Variants in BHLHA15 observed in about 807,000 individuals in gnomAD.
BHLHA15 encodes the protein class A basic helix-loop-helix protein 15.
In BHLHA15, 7 loss-of-function variants were observed where a neutral mutation model predicts 10.4. That is an observed-to-expected ratio of 0.67 (90% CI 0.38 to 1.26). BHLHA15 has a LOEUF of 1.26. Among genes scored for constraint, BHLHA15 ranks in the 50% most tolerant of loss-of-function variants. The pLI is 0.02. For synonymous variants in BHLHA15, 140 were observed against 131.5 expected (o/e 1.06, Z -0.44); for missense variants, 289 against 287.4 (o/e 1.01, Z -0.04).
rs751163207 is a variant in BHLHA15, at chr7:98,212,503, GGC to G, written c.195_196del (p.Pro66ArgfsTer5). ...AGGCGCAGGCGGCCAGGACCCTCCG[GGC>G]CCGGTGGCCGTCGTGACAGCAGCAT... On this transcript the variant is annotated frameshift_variant, in exon 2 of 2. Coordinates refer to ENST00000609256, the MANE Select transcript of BHLHA15 (RefSeq NM_177455.4). LOFTEE classifies it high-confidence loss of function. 8.9e-6 allele frequency: 14 copies of G among 1,570,972 alleles called. No individual in the cohort carries two copies. The South Asian group carries it at 1.6e-4, about 18-fold the overall frequency.
Position 98,212,922 on chromosome 7 carries a change from G to A in BHLHA15, c.*43G>A. Reference sequence around the variant, plus strand: ...GGGTGGCGGTGGCCGCAGCTGCCTGGCCTGCTCCTCCCAGCCCCAGTCCCT... The same window carrying A: ...GGGTGGCGGTGGCCGCAGCTGCCTGACCTGCTCCTCCCAGCCCCAGTCCCT... On this transcript the variant is annotated 3_prime_UTR_variant, in exon 2 of 2. Transcript: ENST00000609256. 1.3e-6 allele frequency: 2 copies of A among 1,492,198 alleles called. No individual in the cohort carries two copies. Among genetic ancestry groups the A allele is most frequent in the South Asian group, 2.6e-5 (2 of 76,460 alleles). 92.4% of individuals were successfully genotyped at this position (1,492,198 alleles called of 1,614,324 possible).
chr7:98,212,510 T>C lies in BHLHA15; in HGVS notation c.201T>C (p.Gly67=). ...RRRRPGPSGP[G]GRRDSSIQRR... ...GGCGGCCAGGACCCTCCGGGCCCGG[T>C]GGCCGTCGTGACAGCAGCATCCAGC... Residue 67 remains glycine, a synonymous_variant, in exon 2 of 2, where the codon GGT becomes GGC. Transcript: ENST00000609256. 6.3e-7 allele frequency: 1 copy of C among 1,574,926 alleles called. No homozygotes were observed. Among genetic ancestry groups the C allele is most frequent in the Non-Finnish European group, 8.6e-7 (1 of 1,163,430 alleles).
rs960262688 is a variant in BHLHA15 at position 98,212,441 on chromosome 7, G to T, written c.132G>T (p.Arg44=). The T allele has an allele frequency of 6.6e-7, 1 of 1,520,678 alleles. No individual in the cohort carries two copies. Among genetic ancestry groups the T allele is most frequent in the African/African-American group, 1.4e-5 (1 of 70,508 alleles). 94.2% of individuals were successfully genotyped at this position (1,520,678 alleles called of 1,614,324 possible). The stretch of plus-strand genomic sequence containing the variant: ...AGCCGGCCAAGGGTCTGCGGAGCCG[G>T]CCGGCCCGGGCCGCAGCAAGGGCTC... ...GPEPAKGLRS[R]PARAAARAPG... Residue 44 remains arginine, a synonymous_variant, in exon 2 of 2, where the codon CGG becomes CGT. Transcript: ENST00000609256.
At position 98,212,623 on chromosome 7, in the gene BHLHA15, TGC is replaced by T. The variant is rs1248267668; in HGVS notation, c.320_321del (p.Ala107GlyfsTer167). ...GCCCTGCGTGAAGTCATCCCCCACGTGCGCGCGGACAAGAAGCTCTCCAAGAT... is the reference window on the plus strand; with the variant it reads ...GCCCTGCGTGAAGTCATCCCCCACGTGCGCGGACAAGAAGCTCTCCAAGAT... On this transcript the variant is annotated frameshift_variant, in exon 2 of 2. Coordinates refer to ENST00000609256, the MANE Select transcript of BHLHA15 (RefSeq NM_177455.4). LOFTEE classifies it high-confidence loss of function. 6 of 1,606,504 alleles carry T rather than the reference TGC, an allele frequency of 3.7e-6. No individual in the cohort carries two copies. The highest frequency in any genetic ancestry group is 5.1e-6 in the Non-Finnish European group (6 of 1,177,616).
rs1797928331 is a variant in BHLHA15 at position 98,212,794 on chromosome 7, G to A, written c.485G>A (p.Gly162Asp). The A allele has an allele frequency of 1.3e-6, 2 of 1,548,904 alleles. No homozygotes were observed. Among genetic ancestry groups the A allele is most frequent in the African/African-American group, 1.4e-5 (1 of 72,922 alleles). Reference protein sequence around the residue: ...HYQQQQQVAGGALGATEAQPQ... With the variant: ...HYQQQQQVAGDALGATEAQPQ... ...CAGCAGCAGCAGCAGGTGGCTGGGGGTGCGTTGGGGGCCACGGAGGCCCAG... is the reference window on the plus strand; with the variant it reads ...CAGCAGCAGCAGCAGGTGGCTGGGGATGCGTTGGGGGCCACGGAGGCCCAG... The change falls in exon 2 of 2, where the codon GGT becomes GAT. Residue 162 changes from glycine (G) to aspartate (D), a missense_variant. Coordinates refer to ENST00000609256, the MANE Select transcript of BHLHA15 (RefSeq NM_177455.4).
chr7:98,211,577 G>A (rs954556070), intron 1 of BHLHA15, 79 bp downstream of exon 1: 1 of 149,512 alleles, frequency 6.7e-6, no homozygotes, highest in Non-Finnish European at 1.5e-5. Flanking sequence ...GGTTGTGGGG[G>A]TTGTGGGGGC....
chr7:98,211,550 G>A (rs1396622511), intron 1 of BHLHA15, 52 bp downstream of exon 1: 1 of 151,614 alleles, frequency 6.6e-6, no homozygotes, highest in Non-Finnish European at 1.5e-5. Flanking sequence ...GGACCCAGGG[G>A]CAGGACCTGG....
In BHLHA15 at chr7:98,213,080, A is replaced by G. The variant is rs1002046459; in HGVS notation, c.*201A>G. ...CCCGCTGGGGACCAGCGAGTGGCCT[A>G]GTTGCGGCTGTGGCCCTGGACAGCG... On this transcript the variant is annotated 3_prime_UTR_variant, in exon 2 of 2. Transcript: ENST00000609256. 3.5e-6 allele frequency: 2 copies of G among 575,482 alleles called. No individual in the cohort carries two copies. The highest frequency in any genetic ancestry group is 1.9e-5 in the African/African-American group (1 of 51,940). The allele number at this position is 575,482 out of a possible 1,614,324, so 35.6% of individuals were successfully genotyped here.
At position 98,214,322 on chromosome 7, in the gene BHLHA15, C is replaced by T. The variant is rs1254834309; in HGVS notation, c.*1443C>T. 6.6e-6 allele frequency among the ~76,000 whole-genome samples: 1 copy of T among 152,250 alleles called. No individual in the cohort carries two copies. Among genetic ancestry groups the T allele is most frequent in the Non-Finnish European group, 1.5e-5 (1 of 68,050 alleles). ...TGGCCCGGGCACATTGGTTTCATTT[C>T]GATGAGACTTTGTCAGAGGCCTGGT... On this transcript the variant is annotated 3_prime_UTR_variant, in exon 2 of 2. Coordinates refer to ENST00000609256, the MANE Select transcript of BHLHA15 (RefSeq NM_177455.4).
rs1170955203 is a variant in BHLHA15, at chr7:98,212,555, G to C, written c.246G>C (p.Glu82Asp). The change falls in exon 2 of 2, where the codon GAG (glutamate) becomes GAC (aspartate). Residue 82 changes from glutamate (E) to aspartate (D), a missense_variant. Coordinates refer to ENST00000609256, the MANE Select transcript of BHLHA15 (RefSeq NM_177455.4). The stretch of plus-strand genomic sequence containing the variant: ...TCCAGCGGCGGCTGGAGAGCAACGA[G>C]AGGGAGCGGCAGCGGATGCACAAGC... Reference protein sequence around the residue: ...SSIQRRLESNERERQRMHKLN... With the variant: ...SSIQRRLESNDRERQRMHKLN... The C allele has an allele frequency of 6.2e-7, 1 of 1,600,618 alleles. No homozygotes were observed. Among genetic ancestry groups the C allele is most frequent in the Admixed American group, 1.7e-5 (1 of 57,872 alleles).
rs1350437150 is a variant in BHLHA15 at position 98,212,472 on chromosome 7, G to A, written c.163G>A (p.Glu55Lys). 5 of 1,552,362 alleles carry A rather than the reference G, an allele frequency of 3.2e-6. No homozygotes were observed. The highest frequency in any genetic ancestry group is 2.4e-5 in the South Asian group (2 of 84,496). ...CCGGGCCGCAGCAAGGGCTCCGGGC[G>A]AGGGCAGGCGCAGGCGGCCAGGACC... ...PARAAARAPG[E>K]GRRRRPGPSG... is the part of the protein sequence containing the mutation. The change falls in exon 2 of 2, where the codon GAG becomes AAG. Residue 55 changes from glutamate to lysine, a missense_variant. Glu to Lys is a moderately conservative substitution (Grantham distance 56, BLOSUM62 1). Coordinates refer to ENST00000609256, the MANE Select transcript of BHLHA15 (RefSeq NM_177455.4).
rs1347276598 is a variant in BHLHA15 at position 98,214,907 on chromosome 7, A to AG, written c.*2032dup. ...CCAGTCCTTCTTCCCCTGAGGCCAG[A>AG]GGGGACGCCCCGCGGCCACATCACA... On this transcript the variant is annotated 3_prime_UTR_variant, in exon 2 of 2. Coordinates refer to ENST00000609256, the MANE Select transcript of BHLHA15 (RefSeq NM_177455.4). 6.6e-6 allele frequency: 1 copy of AG among 152,358 alleles called. No individual in the cohort carries two copies. Among genetic ancestry groups the AG allele is most frequent in the African/African-American group, 2.4e-5 (1 of 41,450 alleles). The allele number at this position is 152,358 out of a possible 1,614,324, so 9.4% of individuals were successfully genotyped here.
At position 98,212,489 on chromosome 7, in the gene BHLHA15, G is replaced by T. The variant is rs1202774596; in HGVS notation, c.180G>T (p.Arg60=). The T allele has an allele frequency of 6.4e-7, 1 of 1,561,474 alleles. No homozygotes were observed. Residue 60 remains arginine, a synonymous_variant, in exon 2 of 2, where the codon CGG becomes CGT. Transcript: ENST00000609256. ...ARAPGEGRRR[R]PGPSGPGGRR... is the part of the protein sequence containing the mutation. The stretch of plus-strand genomic sequence containing the variant: ...CTCCGGGCGAGGGCAGGCGCAGGCG[G>T]CCAGGACCCTCCGGGCCCGGTGGCC...
rs373046926 is a variant in BHLHA15 at position 98,212,588 on chromosome 7, C to T, written c.279C>T (p.Asn93=). Residue 93 remains asparagine (N), a synonymous_variant, in exon 2 of 2, where the codon AAC becomes AAT. Transcript: ENST00000609256. ...GGCAGCGGATGCACAAGCTAAATAA[C>T]GCCTTCCAGGCCCTGCGTGAAGTCA... ...RERQRMHKLN[N]AFQALREVIP... 2.7e-5 allele frequency: 44 copies of T among 1,606,190 alleles called. No individual in the cohort carries two copies. Among genetic ancestry groups the T allele is most frequent in the Middle Eastern group, 1.6e-4 (1 of 6,076 alleles).
At position 98,212,288 on chromosome 7, in the gene BHLHA15, CT is replaced by C; in HGVS notation, c.-21del. The C allele has an allele frequency of 7.5e-7, 1 of 1,335,798 alleles. No individual in the cohort carries two copies. Among genetic ancestry groups the C allele is most frequent in the East Asian group, 3.1e-5 (1 of 32,734 alleles). 82.7% of individuals were successfully genotyped at this position (1,335,798 alleles called of 1,614,324 possible). A position where few individuals can be genotyped will look rare whatever the true frequency, so the allele number is the denominator to read the frequency against. On this transcript the variant is annotated 5_prime_UTR_variant, in exon 2 of 2. Transcript: ENST00000609256. ...GGCCTCACCTTCCTGCCGCCACCTC[CT>C]AGGACAGCCAGTCCAGGGCCATGAA...
intron 1 of BHLHA15, 44 bp from the exon 2 acceptor site, chr7:98,212,212 C>A: frequency 8.6e-7 from 1 of 1,165,108 alleles, no homozygotes; most frequent in Non-Finnish European, 1.1e-6. Context: ...GGGTCCCCTG[C>A]CCATGTGGGG....
Position 98,213,356 on chromosome 7 carries a change from G to T in BHLHA15, c.*477G>T, listed in dbSNP as rs754464. ...GGCCTGGGCTCAGCATCCTCATTTGGGGTAAACTGAGGCCCGGGACAAGCC... is the reference window on the plus strand; with the variant it reads ...GGCCTGGGCTCAGCATCCTCATTTGTGGTAAACTGAGGCCCGGGACAAGCC... On this transcript the variant is annotated 3_prime_UTR_variant, in exon 2 of 2. Coordinates refer to ENST00000609256, the MANE Select transcript of BHLHA15 (RefSeq NM_177455.4). 0.19 allele frequency among the ~76,000 whole-genome samples: 29,612 copies of T among 152,220 alleles called. 3,630 individuals are homozygous for T. The highest frequency in any genetic ancestry group is 0.53 in the East Asian group (2,724 of 5,162).
rs1333894683 is a variant in BHLHA15 at position 98,212,462 on chromosome 7, G to A, written c.153G>A (p.Arg51=). 6.5e-7 allele frequency: 1 copy of A among 1,545,372 alleles called. No individual in the cohort carries two copies. The highest frequency in any genetic ancestry group is 1.2e-5 in the South Asian group (1 of 83,906). Reference sequence around the variant, plus strand: ...GCCGGCCGGCCCGGGCCGCAGCAAGGGCTCCGGGCGAGGGCAGGCGCAGGC... The same window carrying A: ...GCCGGCCGGCCCGGGCCGCAGCAAGAGCTCCGGGCGAGGGCAGGCGCAGGC... ...LRSRPARAAA[R]APGEGRRRRP... Residue 51 remains arginine (R), a synonymous_variant, in exon 2 of 2, where the codon AGG becomes AGA. Transcript: ENST00000609256.
At chr7:98,211,787 C>T (rs1797909844) in intron 1 of BHLHA15, among the ~76,000 whole-genome samples, 1 of 152,172 alleles carries the variant, frequency 6.6e-6, no homozygotes, top group South Asian at 2.1e-4. Context: ...TGTCCCTGCA[C>T]GTGTCACGTC....
Sources: allele counts gnomAD v4.1 joint callset (sites outside exome capture counted in the v4.1 genomes callset), GRCh38; gene constraint gnomAD v4.1.1; transcripts MANE v1.5; gene names NCBI Gene and HGNC (gene_info 2026-07-23, HGNC 2026-07-21).